ROBO2: variants seen among roughly 807,000 people sequenced by gnomAD.
ROBO2 encodes roundabout guidance receptor 2.
In ROBO2, 53 loss-of-function variants were observed where a neutral mutation model predicts 160.8. The observed-to-expected ratio is 0.33, with a 90% CI of 0.26 to 0.41. The LOEUF is 0.41. ROBO2 is among the 10% of genes least tolerant of loss of function. ROBO2 has a pLI of 1.00. For missense variants in ROBO2, 1,577 were observed against 1,722.4 expected (o/e 0.92, Z 1.49); for synonymous variants, 664 against 611.7 (o/e 1.09, Z -1.26).
intron 2 of ROBO2, among the ~76,000 whole-genome samples, chr3:76,613,719 A>G (rs928181451): frequency 3.9e-5 from 6 of 151,924 alleles, no homozygotes; most frequent in African/African-American, 1.2e-4. Context: ...AATTTATGCC[A>G]CCTATCAATA....
intron 2 of ROBO2, among the ~76,000 whole-genome samples, chr3:76,637,076 T>A (rs187342392): frequency 2.0e-5 from 3 of 151,836 alleles, no homozygotes; most frequent in African/African-American, 7.3e-5. Flanking sequence ...GTGAAATAAA[T>A]GGGGGGCCTT....
intron 2 of ROBO2, among the ~76,000 whole-genome samples, chr3:75,974,567 T>G (rs2065086564): frequency 6.6e-6 from 1 of 151,664 alleles, no homozygotes; most frequent in African/African-American, 2.4e-5. Context: ...ACAATTTAAC[T>G]TTATGAATTA....
At chr3:76,073,530 A>T (rs147114595) in intron 2 of ROBO2, among the ~76,000 whole-genome samples, 3,120 of 151,886 alleles carry the variant, frequency 0.021, 45 homozygotes, top group East Asian at 0.081. Flanking sequence ...TGACCTCGTG[A>T]TCCACCCGCC....
In ROBO2 at chr3:77,601,820, G is replaced by A. The variant is rs1182884580; in HGVS notation, c.2855-390G>A. The stretch of plus-strand genomic sequence containing the variant: ...TAGTCCATGTCTCTTGGGATAAAGT[G>A]GAAAGAGATGTTTTTCATCTGTGAG... On this transcript the variant is annotated intron_variant, in intron 19 of 25. Transcript: ENST00000461745. Among the ~76,000 whole-genome samples, 5 of 152,318 alleles carry A rather than the reference G, an allele frequency of 3.3e-5. No homozygotes were observed. In the East Asian group the frequency reaches 5.8e-4, roughly 18 times the overall value.
intron 2 of ROBO2, among the ~76,000 whole-genome samples, chr3:76,757,259 A>G (rs771991061): frequency 5.9e-5 from 9 of 151,842 alleles, no homozygotes; most frequent in Non-Finnish European, 1.2e-4. Context: ...TTACAGTTCT[A>G]ATCTTAGTGT....
intron 2 of ROBO2, among the ~76,000 whole-genome samples, chr3:75,942,950 A>C (rs1948122325): frequency 6.6e-6 from 1 of 152,158 alleles, no homozygotes; most frequent in Non-Finnish European, 1.5e-5. Flanking sequence ...GGGAGATAGT[A>C]AGAGACGTGT....
intron 2 of ROBO2, among the ~76,000 whole-genome samples, chr3:76,824,854 T>C (rs1243677073): frequency 6.6e-6 from 1 of 152,158 alleles, no homozygotes; most frequent in Non-Finnish European, 1.5e-5. Context: ...TCAGACTTCG[T>C]TGGAGAAGCT....
At chr3:75,953,302 A>G (rs1948615085) in intron 2 of ROBO2, among the ~76,000 whole-genome samples, 2 of 151,944 alleles carry the variant, frequency 1.3e-5, no homozygotes, top group African/African-American at 4.8e-5. Context: ...GGCCATTTTA[A>G]TAGTCATGTA....
chr3:77,485,187 G>T lies in ROBO2; in HGVS notation c.667+3968G>T, dbSNP rs7626931. Among the ~76,000 whole-genome samples the T allele has an allele frequency of 5.9e-3, 902 of 152,132 alleles. 14 individuals carry two copies. Among genetic ancestry groups the T allele is most frequent in the African/African-American group, 0.021 (856 of 41,498 alleles). ...TGGTTAACCCCTCTTTTCAGAAGGGGTTCTCAACTTCTTTCTGCTTGGCTG... is the reference window on the plus strand; with the variant it reads ...TGGTTAACCCCTCTTTTCAGAAGGGTTTCTCAACTTCTTTCTGCTTGGCTG... On this transcript the variant is annotated intron_variant, in intron 4 of 25. Coordinates refer to ENST00000461745, the Ensembl canonical transcript of ROBO2.
At chr3:76,523,671 C>T (rs2081767104) in intron 2 of ROBO2, among the ~76,000 whole-genome samples, 1 of 152,084 alleles carries the variant, frequency 6.6e-6, no homozygotes, top group African/African-American at 2.4e-5. Context: ...TTCATACTTT[C>T]TCTAAGTTGT....
intron 2 of ROBO2, among the ~76,000 whole-genome samples, chr3:76,538,156 C>T (rs1339727977): frequency 6.8e-6 from 1 of 146,930 alleles, no homozygotes; most frequent in Non-Finnish European, 1.5e-5. Context: ...AGAACTCACA[C>T]ACACACACAC....
chr3:76,094,934 T>C (rs886116127), intron 2 of ROBO2, among the ~76,000 whole-genome samples: 4 of 152,202 alleles, frequency 2.6e-5, no homozygotes, highest in Non-Finnish European at 5.9e-5. Context: ...GACAACTGAC[T>C]GATATGAAAA....
chr3:75,970,174 A>T (rs2064953765), intron 2 of ROBO2, among the ~76,000 whole-genome samples: 1 of 151,408 alleles, frequency 6.6e-6, no homozygotes, highest in African/African-American at 2.4e-5. Flanking sequence ...AGTATCTTCT[A>T]CACCTCCTTC....
chr3:77,131,293 C>A (rs1427891717), intron 2 of ROBO2, among the ~76,000 whole-genome samples: 1 of 152,038 alleles, frequency 6.6e-6, no homozygotes, highest in African/African-American at 2.4e-5. Context: ...AGCAGGCAAC[C>A]AAAAAGGCTA....
At chr3:76,028,560 T>G (rs1008295879) in intron 2 of ROBO2, among the ~76,000 whole-genome samples, 1 of 151,910 alleles carries the variant, frequency 6.6e-6, no homozygotes, top group Non-Finnish European at 1.5e-5. Flanking sequence ...TAAACAGACA[T>G]TGAAAATCTC....
At chr3:76,282,761 C>G (rs1708295677) in intron 2 of ROBO2, among the ~76,000 whole-genome samples, 1 of 151,824 alleles carries the variant, frequency 6.6e-6, no homozygotes, top group Non-Finnish European at 1.5e-5. Context: ...AGCCTCCCAG[C>G]AACAGCACTG....
At chr3:77,224,384 A>G (rs181788819) in intron 2 of ROBO2, among the ~76,000 whole-genome samples, 1 of 152,120 alleles carries the variant, frequency 6.6e-6, no homozygotes, top group East Asian at 1.9e-4. Context: ...TGGGGAAAAG[A>G]TATCTGGCTA....
chr3:77,344,664 T>C (rs1181520100), intron 2 of ROBO2, among the ~76,000 whole-genome samples: 1 of 152,118 alleles, frequency 6.6e-6, no homozygotes, highest in Non-Finnish European at 1.5e-5. Flanking sequence ...ATAGGGTGTT[T>C]TTTTGTTATA....
intron 17 of ROBO2, among the ~76,000 whole-genome samples, chr3:77,592,586 C>T (rs1359025117): frequency 1.3e-5 from 2 of 152,056 alleles, no homozygotes; most frequent in East Asian, 3.9e-4. Flanking sequence ...GAGTCTCACT[C>T]TGTAGCCCAG....
Sources: gnomAD v4.1 joint callset for allele counts (sites outside exome capture counted in the v4.1 genomes callset) on GRCh38, gnomAD v4.1.1 for gene constraint, MANE v1.5 for transcripts, NCBI Gene and HGNC (gene_info 2026-07-23, HGNC 2026-07-21) for gene names.